The following LRRK2 variants were observed in gnomAD, a reference collection of about 807,000 sequenced individuals.
LRRK2 encodes the protein leucine-rich repeat serine/threonine-protein kinase 2.
A neutral mutation model predicts 302.6 loss-of-function variants in LRRK2; 203 were observed. That is an observed-to-expected ratio of 0.67 (90% CI 0.60 to 0.75). The LOEUF is 0.75. Ranked by LOEUF, LRRK2 falls within the 30% of genes least tolerant of loss-of-function variation. The probability of loss-of-function intolerance (pLI) is 0.00; values close to 1 mark genes in which losing one functional copy is unlikely to be tolerated. For synonymous variants in LRRK2, 1,066 were observed against 1,031.9 expected (o/e 1.03, Z -0.63); for missense variants, 2,830 against 2,951.0 (o/e 0.96, Z 0.95).
chr12:40,248,050 T>C (rs1050240889), intron 7 of LRRK2, among the ~76,000 whole-genome samples: 9 of 152,040 alleles, frequency 5.9e-5, no homozygotes, highest in African/African-American at 1.7e-4. Flanking sequence ...GGTGACCCTT[T>C]ATTCATTATT....
intron 34 of LRRK2, among the ~76,000 whole-genome samples, chr12:40,320,519 T>C (rs544324992): frequency 3.2e-4 from 49 of 152,072 alleles, no homozygotes; most frequent in Admixed American, 1.4e-3. Flanking sequence ...ATTAAGCAAG[T>C]TCTGAGAAGA....
intron 40 of LRRK2, among the ~76,000 whole-genome samples, chr12:40,337,655 T>A (rs1437451011): frequency 6.6e-6 from 1 of 152,252 alleles, no homozygotes; most frequent in Non-Finnish European, 1.5e-5. Context: ...TGGTTCAGTA[T>A]GTCCAGGGAA....
chr12:40,267,167 A>G (rs780497900), intron 14 of LRRK2, among the ~76,000 whole-genome samples: 2 of 152,202 alleles, frequency 1.3e-5, no homozygotes, highest in South Asian at 4.1e-4. Context: ...TACAGGGGCA[A>G]TTCCCTACTG....
intron 40 of LRRK2, 122 bp from the exon 41 acceptor site, chr12:40,340,172 A>G: frequency 1.1e-6 from 1 of 947,136 alleles, no homozygotes; most frequent in Non-Finnish European, 1.6e-6. Flanking sequence ...ACTTTAAGGG[A>G]CAAAGTGAGC....
chr12:40,353,046 GC>G (rs1946408756), intron 44 of LRRK2, among the ~76,000 whole-genome samples: 1 of 150,516 alleles, frequency 6.6e-6, no homozygotes, highest in Non-Finnish European at 1.5e-5. Context: ...CCGGGCAGAG[GC>G]GCCCCCCACC....
chr12:40,322,563 G>T, intron 37 of LRRK2, 53 bp downstream of exon 37: 1 of 1,485,356 alleles, frequency 6.7e-7, no homozygotes. Flanking sequence ...CAATACTTAT[G>T]AAGTGACTTT....
At chr12:40,234,096 A>G (rs1199487848) in intron 3 of LRRK2, among the ~76,000 whole-genome samples, 1 of 152,166 alleles carries the variant, frequency 6.6e-6, no homozygotes, top group Non-Finnish European at 1.5e-5. Flanking sequence ...TGGGAATGGT[A>G]TAGGGAGAGG....
chr12:40,295,747 T>TA, intron 23 of LRRK2, 103 bp downstream of exon 23: 1 of 1,097,938 alleles, frequency 9.1e-7, no homozygotes. Context: ...TCTACTTTTG[T>TA]GTCACTGGGT....
chr12:40,275,068 C>G, intron 16 of LRRK2, 75 bp downstream of exon 16: 2 of 1,511,180 alleles, frequency 1.3e-6, no homozygotes, highest in Admixed American at 3.3e-5. Context: ...GTAATTCCCA[C>G]TTTGCATGAA....
chr12:40,338,189 A>G lies in LRRK2; in HGVS notation c.5949-2105A>G, dbSNP rs540979169. 5.1e-4 allele frequency among the ~76,000 whole-genome samples: 78 copies of G among 152,236 alleles called. 1 individual carries two copies. Among genetic ancestry groups the G allele is most frequent in the South Asian group, 1.2e-3 (6 of 4,826 alleles). Reference sequence around the variant, plus strand: ...TGCTTCCCTAGCACGTGGTACTTACATATTTCTGGAATCTTGATTAAACAC... The same window carrying G: ...TGCTTCCCTAGCACGTGGTACTTACGTATTTCTGGAATCTTGATTAAACAC... On this transcript the variant is annotated intron_variant, in intron 40 of 50. Coordinates refer to ENST00000298910, the MANE Select transcript of LRRK2 (RefSeq NM_198578.4).
intron 12 of LRRK2, among the ~76,000 whole-genome samples, chr12:40,258,596 T>C (rs1942626552): frequency 6.6e-6 from 1 of 152,170 alleles, no homozygotes; most frequent in South Asian, 2.1e-4. Context: ...TCTGACAGTG[T>C]GTCTGCCCCT....
chr12:40,290,118 G>A (rs1450197055), intron 20 of LRRK2, among the ~76,000 whole-genome samples: 1 of 151,784 alleles, frequency 6.6e-6, no homozygotes, highest in East Asian at 1.9e-4. Context: ...AGTCATTTTT[G>A]GAGAGCCTTT....
intron 46 of LRRK2, 68 bp from the exon 47 acceptor site, chr12:40,359,192 G>A: frequency 7.2e-7 from 1 of 1,379,932 alleles, no homozygotes; most frequent in Non-Finnish European, 1.0e-6. Flanking sequence ...TGAAAGCACA[G>A]ATTTTATGGA....
Position 40,225,062 on chromosome 12 carries a change from C to T in LRRK2, c.-70C>T. The T allele has an allele frequency of 1.3e-6, 2 of 1,595,042 alleles. No homozygotes were observed. The highest frequency in any genetic ancestry group is 1.3e-5 in the African/African-American group (1 of 74,610). ...CTCGCCCCCGGGGAGCTGTGGCCGG[C>T]GCCCCTGCCGGTTCCCTGAGCAGCG... On this transcript the variant is annotated 5_prime_UTR_variant, in exon 1 of 51. Transcript: ENST00000298910.
intron 2 of LRRK2, among the ~76,000 whole-genome samples, chr12:40,231,307 C>T (rs1412164743): frequency 6.7e-6 from 1 of 148,192 alleles, no homozygotes; most frequent in African/African-American, 2.5e-5. Flanking sequence ...AATCCCAGCA[C>T]TTTGAGAGGC....
At chr12:40,356,241 A>G in intron 46 of LRRK2, 54 bp downstream of exon 46, 8 of 1,282,644 alleles carry the variant, frequency 6.2e-6, no homozygotes, top group Admixed American at 2.0e-5. Context: ...TTTGTTTTAT[A>G]TATATCTCAC....
chr12:40,237,062 T>C (rs781184363), intron 4 of LRRK2, among the ~76,000 whole-genome samples: 1 of 151,976 alleles, frequency 6.6e-6, no homozygotes, highest in Admixed American at 6.6e-5. Context: ...ATGTTTGGTA[T>C]AGTAAAAGGC....
intron 30 of LRRK2, 150 bp downstream of exon 30, chr12:40,309,383 G>T: frequency 9.8e-7 from 1 of 1,017,056 alleles, no homozygotes; most frequent in Non-Finnish European, 1.4e-6. Context: ...TTTTGAATTG[G>T]GAAACTTTCC....
chr12:40,276,926 G>C (rs573248026), intron 16 of LRRK2, among the ~76,000 whole-genome samples: 37 of 152,178 alleles, frequency 2.4e-4, no homozygotes, highest in African/African-American at 8.2e-4. Flanking sequence ...TCTGCCTCCT[G>C]GGCCCATCCT....
Sources: gnomAD v4.1 joint callset for allele counts (sites outside exome capture counted in the v4.1 genomes callset) on GRCh38, gnomAD v4.1.1 for gene constraint, MANE v1.5 for transcripts, NCBI Gene and HGNC (gene_info 2026-07-23, HGNC 2026-07-21) for gene names.